The following USP31 variants were observed in gnomAD, a reference collection of about 807,000 sequenced individuals.
The protein encoded by USP31 is ubiquitin specific peptidase 31.
USP31 carries 44 observed loss-of-function variants against 119.4 expected under a neutral mutation model. The ratio of observed to expected loss-of-function variants is 0.37; its 90% CI spans 0.29 to 0.47. The LOEUF (loss-of-function observed/expected upper bound fraction) is 0.47, where lower values mean the gene tolerates loss of function less well. Ranked by LOEUF, USP31 falls within the 20% of genes least tolerant of loss-of-function variation. The pLI, the probability that USP31 is intolerant of heterozygous loss-of-function variation, is 0.99. For synonymous variants in USP31, 749 were observed against 705.6 expected (o/e 1.06, Z -0.97); for missense variants, 1,643 against 1,730.2 (o/e 0.95, Z 0.89).
chr16:23,085,530 T>C, intron 10 of USP31, 55 bp downstream of exon 10: 1 of 1,481,006 alleles, frequency 6.8e-7, no homozygotes, highest in Non-Finnish European at 9.4e-7. Flanking sequence ...AGGTGTGCTA[T>C]AAAAATGATA....
At position 23,080,127 on chromosome 16, in the gene USP31, G is replaced by A; in HGVS notation, c.1995C>T (p.Pro665=). 6.3e-7 allele frequency: 1 copy of A among 1,593,244 alleles called. No individual in the cohort carries two copies. Among genetic ancestry groups the A allele is most frequent in the Non-Finnish European group, 8.5e-7 (1 of 1,171,736 alleles). Reference sequence around the variant, plus strand: ...GAGGTGTCATGTCCAGGCCAGTCAAGGGGAATTTGACCATGTTCTGAAGTT... The same window carrying A: ...GAGGTGTCATGTCCAGGCCAGTCAAAGGGAATTTGACCATGTTCTGAAGTT... ...RMKLQNMVKF[P]LTGLDMTPHV... is the part of the protein sequence containing the mutation. The change falls in exon 13 of 16, where the codon CCC becomes CCT. Residue 665 remains proline (P), a synonymous_variant. Transcript: ENST00000219689.
intron 1 of USP31, among the ~76,000 whole-genome samples, chr16:23,141,931 C>T (rs1354601677): frequency 6.6e-6 from 1 of 152,168 alleles, no homozygotes; most frequent in Non-Finnish European, 1.5e-5. Context: ...TCTACTTACA[C>T]TTTCATACAC....
At chr16:23,107,837 T>A (rs149721789) in intron 2 of USP31, among the ~76,000 whole-genome samples, 241 of 152,356 alleles carry the variant, frequency 1.6e-3, no homozygotes, top group Admixed American at 2.9e-3. Flanking sequence ...CATTAGACTA[T>A]AAATTCCTTG....
At chr16:23,118,374 C>A (rs1415935586) in intron 1 of USP31, among the ~76,000 whole-genome samples, 2 of 152,194 alleles carry the variant, frequency 1.3e-5, no homozygotes, top group Non-Finnish European at 2.9e-5. Context: ...TCAATCCTGG[C>A]TGCACATTAG....
chr16:23,079,880 C>A (rs2141838622), intron 13 of USP31, 66 bp downstream of exon 13: 1 of 1,432,096 alleles, frequency 7.0e-7, no homozygotes, highest in East Asian at 2.7e-5. Context: ...GTCAAGTCAC[C>A]CTGCCACAAG....
intron 13 of USP31, among the ~76,000 whole-genome samples, chr16:23,074,749 T>C (rs1900489153): frequency 6.6e-6 from 1 of 152,184 alleles, no homozygotes; most frequent in Non-Finnish European, 1.5e-5. Flanking sequence ...AAGCCTGAGC[T>C]AGAAATAAAG....
At chr16:23,115,503 A>T (rs1330103020) in intron 1 of USP31, among the ~76,000 whole-genome samples, 2 of 152,232 alleles carry the variant, frequency 1.3e-5, no homozygotes, top group Non-Finnish European at 2.9e-5. Context: ...TAAAATAAAT[A>T]AAAAGAAAAT....
intron 6 of USP31, 39 bp downstream of exon 6, chr16:23,102,280 C>A (rs929517611): frequency 1.9e-6 from 3 of 1,585,176 alleles, no homozygotes; most frequent in East Asian, 2.3e-5. Flanking sequence ...GTTAAACCTG[C>A]AAACCCAGGT....
rs71279502 is a variant in USP31 at position 23,126,320 on chromosome 16, TAA to T, written c.634-18139_634-18138del. ...TGGGTACAGAGCGACCCTGTCTCTT[TAA>T]AAAAAAAAAAAAAAAAAAAAGGCTG... On this transcript the variant is annotated intron_variant, in intron 1 of 15. Coordinates refer to ENST00000219689, the MANE Select transcript of USP31 (RefSeq NM_020718.4). Among the ~76,000 whole-genome samples the T allele has an allele frequency of 4.4e-3, 472 of 107,146 alleles. 5 individuals carry two copies. Among genetic ancestry groups the T allele is most frequent in the African/African-American group, 0.014 (403 of 28,310 alleles). 70.3% of individuals were successfully genotyped at this position (107,146 alleles called of 152,430 possible).
chr16:23,111,366 T>A (rs898540918), intron 1 of USP31, among the ~76,000 whole-genome samples: 2 of 152,048 alleles, frequency 1.3e-5, no homozygotes, highest in African/African-American at 4.8e-5. Context: ...GAAGGAGGCA[T>A]TAATGTCACT....
rs567614658 is a variant in USP31 at position 23,123,300 on chromosome 16, G to A, written c.634-15117C>T. Among the ~76,000 whole-genome samples, 5 of 152,308 alleles carry A rather than the reference G, an allele frequency of 3.3e-5. No homozygotes were observed. In the South Asian group the frequency reaches 1.0e-3, roughly 32 times the overall value. ...CGCCTGTAATCCTCGGACTCTGGGA[G>A]GCCGAGGTGGATGGATCACCTGAGG... On this transcript the variant is annotated intron_variant, in intron 1 of 15. Coordinates refer to ENST00000219689, the MANE Select transcript of USP31 (RefSeq NM_020718.4).
intron 7 of USP31, among the ~76,000 whole-genome samples, chr16:23,088,305 C>T (rs1375372416): frequency 6.6e-6 from 1 of 152,188 alleles, no homozygotes; most frequent in Non-Finnish European, 1.5e-5. Flanking sequence ...CTATGTCCCA[C>T]AGAGTCCAAG....
chr16:23,073,157 C>G (rs1423405158), intron 14 of USP31, among the ~76,000 whole-genome samples: 1 of 152,102 alleles, frequency 6.6e-6, no homozygotes, highest in Non-Finnish European at 1.5e-5. Flanking sequence ...ACACAACAGG[C>G]TGGATGTCAT....
rs1204847614 is a variant in USP31, at chr16:23,068,753, C to T, written c.3352G>A (p.Ala1118Thr). 3.1e-6 allele frequency: 5 copies of T among 1,588,104 alleles called. No individual in the cohort carries two copies. Among genetic ancestry groups the T allele is most frequent in the African/African-American group, 2.7e-5 (2 of 73,796 alleles). The change falls in exon 16 of 16, where the codon GCC becomes ACC. Residue 1118 changes from alanine (A) to threonine (T), a missense_variant. Physicochemically the swap from Ala to Thr is moderately conservative, Grantham distance 58. Coordinates refer to ENST00000219689, the MANE Select transcript of USP31 (RefSeq NM_020718.4). ...GAAGCAGTGTAGGTGAGGGCCGAGG[C>T]TGACTTCTGCTTCTGTGGCGAAGGA... is the stretch of plus-strand genomic sequence containing the variant. The part of the protein sequence containing the change: ...SSPSPQKQKS[A>T]SALTYTASST...
In USP31 at chr16:23,087,098, A is replaced by G; in HGVS notation, c.1616T>C (p.Val539Ala). The change falls in exon 9 of 16, where the codon GTA becomes GCA. Residue 539 changes from valine (V) to alanine (A), a missense_variant. Transcript: ENST00000219689. ...AAAAAAAAATTTTTTTTACCTTTCT[A>G]CTATTGGGTGGCACAAGGGCTGCTC... ...QEEQPLCHPI[V>A]ERALKSCGPG... The G allele has an allele frequency of 1.2e-6, 2 of 1,611,494 alleles. No individual in the cohort carries two copies. The highest frequency in any genetic ancestry group is 1.7e-6 in the Non-Finnish European group (2 of 1,179,278).
At chr16:23,073,686 T>TG in intron 14 of USP31, 36 bp downstream of exon 14, 1 of 1,603,258 alleles carries the variant, frequency 6.2e-7, no homozygotes, top group East Asian at 2.2e-5. Context: ...TCTTTTGCTC[T>TG]GGAAAAAACT....
rs749897343 is a variant in USP31, at chr16:23,068,591, A to G, written c.3514T>C (p.Ser1172Pro). The G allele has an allele frequency of 3.1e-6, 5 of 1,613,932 alleles. No individual in the cohort carries two copies. In the Admixed American group the frequency reaches 6.7e-5, roughly 22 times the overall value. ...SLGSDRASAT[S>P]TSKPNSPRVS... is the part of the protein sequence containing the mutation. The stretch of plus-strand genomic sequence containing the variant: ...CGAGGGGAATTGGGTTTGGAGGTGG[A>G]GGTGGCGCTGGCTCTGTCAGAACCC... The change falls in exon 16 of 16, where the codon TCC becomes CCC. Residue 1172 changes from serine (S) to proline (P), a missense_variant. Transcript: ENST00000219689.
Position 23,090,874 on chromosome 16 carries a change from T to C in USP31, c.1235-70A>G, listed in dbSNP as rs1901332295. The C allele has an allele frequency of 7.4e-7, 1 of 1,356,330 alleles. No individual in the cohort carries two copies. Among genetic ancestry groups the C allele is most frequent in the East Asian group, 2.5e-5 (1 of 39,964 alleles). The allele number at this position is 1,356,330 out of a possible 1,614,324, so 84.0% of individuals were successfully genotyped here. ...TTTTATTCACTCGTTATGAAGAAAT[T>C]TACCCAACAGAGAAAATTTTTTTTA... is the stretch of plus-strand genomic sequence containing the variant. On this transcript the variant is annotated intron_variant, in intron 6 of 15. Coordinates refer to ENST00000219689, the MANE Select transcript of USP31 (RefSeq NM_020718.4).
chr16:23,122,025 A>G (rs1298024129), intron 1 of USP31, among the ~76,000 whole-genome samples: 1 of 152,212 alleles, frequency 6.6e-6, no homozygotes, highest in Admixed American at 6.5e-5. Flanking sequence ...ATACAAAATA[A>G]AGATCACATG....
Sources: allele counts gnomAD v4.1 joint callset (sites outside exome capture counted in the v4.1 genomes callset), GRCh38; gene constraint gnomAD v4.1.1; transcripts MANE v1.5; gene names NCBI Gene and HGNC (gene_info 2026-07-23, HGNC 2026-07-21).